ANKRD17: variants seen among roughly 807,000 people sequenced by gnomAD.
ANKRD17 encodes ankyrin repeat domain 17.
In ANKRD17, 19 loss-of-function variants were observed where a neutral mutation model predicts 229.7. The ratio of observed to expected loss-of-function variants is 0.08; its 90% CI spans 0.06 to 0.12. The LOEUF (loss-of-function observed/expected upper bound fraction) is 0.12, where lower values mean the gene tolerates loss of function less well. Among genes scored for constraint, ANKRD17 ranks in the 10% least tolerant of loss-of-function variants. The pLI is 1.00. For missense variants in ANKRD17, 2,176 were observed against 3,176.8 expected (o/e 0.68, Z 7.57); for synonymous variants, 1,112 against 1,146.1 (o/e 0.97, Z 0.60).
intron 1 of ANKRD17, among the ~76,000 whole-genome samples, chr4:73,251,516 GACTT>G (rs1267828158): frequency 4.0e-5 from 6 of 151,524 alleles, no homozygotes; most frequent in Admixed American, 6.6e-5. Context: ...ATTCCCTAAT[GACTT>G]ACTTTTTTTT....
At chr4:73,223,941 T>C (rs1234192948) in intron 1 of ANKRD17, among the ~76,000 whole-genome samples, 1 of 152,050 alleles carries the variant, frequency 6.6e-6, no homozygotes, top group East Asian at 1.9e-4. Flanking sequence ...ACTTTGAATA[T>C]GAAAAAATGC....
At chr4:73,164,605 A>G (rs1294340793) in intron 2 of ANKRD17, among the ~76,000 whole-genome samples, 1 of 152,172 alleles carries the variant, frequency 6.6e-6, no homozygotes, top group Non-Finnish European at 1.5e-5. Context: ...AGCCTGGGCA[A>G]CATGGTGAAA....
intron 24 of ANKRD17, chr4:73,113,253 T>G (rs1370917944): frequency 7.8e-7 from 1 of 1,289,382 alleles, no homozygotes; most frequent in South Asian, 1.2e-5. Context: ...CCAAACTATA[T>G]GCTGTTTTGG....
At position 73,077,549 on chromosome 4, in the gene ANKRD17, G is replaced by A. The variant is rs1202265631; in HGVS notation, c.7409-16C>T. On this transcript the variant is annotated splice_polypyrimidine_tract_variant and intron_variant, in intron 31 of 33. Coordinates refer to ENST00000358602, the MANE Select transcript of ANKRD17 (RefSeq NM_032217.5). The stretch of plus-strand genomic sequence containing the variant: ...TCTACTTTGTCTGAGGGCAAACAAA[G>A]AGGCAAAACAAAAATAGATAATATT... 2 of 1,534,622 alleles carry A rather than the reference G, an allele frequency of 1.3e-6. No homozygotes were observed. The highest frequency in any genetic ancestry group is 1.8e-6 in the Non-Finnish European group (2 of 1,142,366).
intron 1 of ANKRD17, among the ~76,000 whole-genome samples, chr4:73,246,156 G>A (rs1273254130): frequency 1.3e-5 from 2 of 152,136 alleles, no homozygotes; most frequent in African/African-American, 2.4e-5. Flanking sequence ...TCTCATAGAG[G>A]AAAATCAGTA....
rs568480872 is a variant in ANKRD17 at position 73,235,728 on chromosome 4, T to C, written c.393+22548A>G. ...TAAACTTTATTTAGTACATCTTATC[T>C]TTCCACCCTCAGAGGGAAAAAAGGC... On this transcript the variant is annotated intron_variant, in intron 1 of 33. Coordinates refer to ENST00000358602, the MANE Select transcript of ANKRD17 (RefSeq NM_032217.5). Among the ~76,000 whole-genome samples the C allele has an allele frequency of 3.3e-5, 5 of 152,310 alleles. No homozygotes were observed. The East Asian group carries it at 9.6e-4, about 29-fold the overall frequency.
chr4:73,142,607 T>A (rs1729754090), intron 12 of ANKRD17, 33 bp downstream of exon 12: 1 of 1,613,526 alleles, frequency 6.2e-7, no homozygotes, highest in African/African-American at 1.3e-5. Flanking sequence ...AAATACTAAT[T>A]CACAATTCTG....
chr4:73,105,353 A>G (rs1724487903), intron 24 of ANKRD17, among the ~76,000 whole-genome samples: 1 of 150,704 alleles, frequency 6.6e-6, no homozygotes, highest in African/African-American at 2.4e-5. Flanking sequence ...ATTTTACTAT[A>G]TATAATAAAA....
chr4:73,189,775 T>A (rs1221099483), intron 1 of ANKRD17, among the ~76,000 whole-genome samples: 1 of 152,180 alleles, frequency 6.6e-6, no homozygotes, highest in Non-Finnish European at 1.5e-5. Flanking sequence ...AGCCTGAAAT[T>A]ATCTTGTTCT....
At chr4:73,207,383 G>C (rs1246516624) in intron 1 of ANKRD17, among the ~76,000 whole-genome samples, 1 of 152,172 alleles carries the variant, frequency 6.6e-6, no homozygotes, top group African/African-American at 2.4e-5. Flanking sequence ...AATGGGAGAA[G>C]TGGGAAACAA....
chr4:73,254,235 ACT>A (rs1433429523), intron 1 of ANKRD17, among the ~76,000 whole-genome samples: 4 of 152,030 alleles, frequency 2.6e-5, no homozygotes, highest in Non-Finnish European at 5.9e-5. Context: ...CTCATTTTCA[ACT>A]CTCTTTTTCT....
Position 73,125,566 on chromosome 4 carries a change from T to C in ANKRD17, c.3235-254A>G, listed in dbSNP as rs561321684. On this transcript the variant is annotated intron_variant, in intron 16 of 33. Transcript: ENST00000358602. ...TGGCCAACATGGTGAAACCCCATCT[T>C]GACTGAAAATATAAAAATTAGCCGG... Among the ~76,000 whole-genome samples the C allele has an allele frequency of 2.0e-5, 3 of 151,758 alleles. No homozygotes were observed. In the South Asian group the frequency reaches 6.2e-4, roughly 32 times the overall value.
At chr4:73,203,567 C>T (rs1399652300) in intron 1 of ANKRD17, among the ~76,000 whole-genome samples, 4 of 151,322 alleles carry the variant, frequency 2.6e-5, no homozygotes, top group African/African-American at 4.9e-5. Context: ...ACCATCCTGG[C>T]TAACATGGTG....
At chr4:73,251,090 G>A (rs1485416443) in intron 1 of ANKRD17, among the ~76,000 whole-genome samples, 1 of 152,094 alleles carries the variant, frequency 6.6e-6, no homozygotes, top group African/African-American at 2.4e-5. Context: ...GGGCAACAAA[G>A]TGAGACGCCA....
At chr4:73,205,316 T>TA (rs1739299298) in intron 1 of ANKRD17, among the ~76,000 whole-genome samples, 1 of 151,894 alleles carries the variant, frequency 6.6e-6, no homozygotes, top group Non-Finnish European at 1.5e-5. Flanking sequence ...AGACCATTTC[T>TA]AAAAAAAATT....
intron 6 of ANKRD17, among the ~76,000 whole-genome samples, chr4:73,151,851 C>T (rs1398341447): frequency 1.3e-5 from 2 of 152,092 alleles, no homozygotes; most frequent in Non-Finnish European, 2.9e-5. Flanking sequence ...GTTATATATG[C>T]TACGGAATAA....
Position 73,151,541 on chromosome 4 carries a change from CA to C in ANKRD17, c.1235-18del, listed in dbSNP as rs750089506. 1.4e-6 allele frequency: 2 copies of C among 1,475,402 alleles called. No homozygotes were observed. Among genetic ancestry groups the C allele is most frequent in the African/African-American group, 1.4e-5 (1 of 70,242 alleles). The allele number at this position is 1,475,402 out of a possible 1,614,324, so 91.4% of individuals were successfully genotyped here. A position where few individuals can be genotyped will look rare whatever the true frequency, so the allele number is the denominator to read the frequency against. On this transcript the variant is annotated intron_variant, in intron 6 of 33. Transcript: ENST00000358602. ...CTAAGTGTCCTAAACCAAAAGTGTA[CA>C]AGATTACTTGAAAATATTTTATTAT...
At chr4:73,239,773 T>C (rs967646533) in intron 1 of ANKRD17, among the ~76,000 whole-genome samples, 2 of 152,030 alleles carry the variant, frequency 1.3e-5, no homozygotes, top group East Asian at 1.9e-4. Flanking sequence ...TCCTCCAATA[T>C]AAAAAAATCA....
chr4:73,118,242 A>G (rs1324912532), intron 22 of ANKRD17, among the ~76,000 whole-genome samples: 2 of 152,106 alleles, frequency 1.3e-5, no homozygotes, highest in East Asian at 3.9e-4. Context: ...GGCCTCCCAA[A>G]GTGCTGAGAT....
Sources: gnomAD v4.1 joint callset for allele counts (sites outside exome capture counted in the v4.1 genomes callset) on GRCh38, gnomAD v4.1.1 for gene constraint, MANE v1.5 for transcripts, NCBI Gene and HGNC (gene_info 2026-07-23, HGNC 2026-07-21) for gene names.